The following ARID1B variants were observed in gnomAD, a reference collection of about 807,000 sequenced individuals.
The protein encoded by ARID1B is AT-rich interactive domain-containing protein 1B.
Under a neutral mutation model 212.3 loss-of-function variants are expected in ARID1B, and 30 were observed. The observed-to-expected ratio is 0.14, with a 90% CI of 0.11 to 0.19. The LOEUF (loss-of-function observed/expected upper bound fraction) is 0.19, where lower values mean the gene tolerates loss of function less well. ARID1B is among the 10% of genes least tolerant of loss of function. ARID1B has a pLI of 1.00. For missense variants in ARID1B, 2,891 were observed against 3,204.0 expected (o/e 0.90, Z 2.36); for synonymous variants, 1,402 against 1,301.7 (o/e 1.08, Z -1.66).
intron 2 of ARID1B, among the ~76,000 whole-genome samples, chr6:156,891,599 G>A (rs961096118): frequency 6.6e-6 from 1 of 152,130 alleles, no homozygotes; most frequent in Non-Finnish European, 1.5e-5. Flanking sequence ...ATATGGTTTT[G>A]TAGCCTGCTA....
At chr6:157,205,891 G>C (rs1794406657) in intron 19 of ARID1B, 1 of 414,548 alleles carries the variant, frequency 2.4e-6, no homozygotes, top group Non-Finnish European at 4.4e-6. Flanking sequence ...TTAGAGATAT[G>C]AGAATAAAAA....
chr6:157,100,144 A>G (rs1020270135), intron 5 of ARID1B, among the ~76,000 whole-genome samples: 1 of 152,220 alleles, frequency 6.6e-6, no homozygotes, highest in Admixed American at 6.5e-5. Context: ...GTTGAAAGGT[A>G]GGGAAGAACA....
intron 2 of ARID1B, among the ~76,000 whole-genome samples, chr6:156,882,763 G>A (rs531266675): frequency 2.0e-5 from 3 of 152,278 alleles, no homozygotes; most frequent in African/African-American, 4.8e-5. Flanking sequence ...TTTGTATAAC[G>A]TCTTGCTATT....
intron 2 of ARID1B, among the ~76,000 whole-genome samples, chr6:156,886,786 G>A (rs1271382744): frequency 2.6e-5 from 4 of 152,206 alleles, no homozygotes; most frequent in Non-Finnish European, 5.9e-5. Context: ...TTCCAAGGAG[G>A]AAGGGAATGG....
intron 11 of ARID1B, among the ~76,000 whole-genome samples, chr6:157,176,656 G>A (rs930606103): frequency 2.0e-5 from 3 of 152,194 alleles, no homozygotes; most frequent in Non-Finnish European, 4.4e-5. Flanking sequence ...GACCAGCCTG[G>A]CCAACATGGT....
chr6:156,979,142 T>TAACA (rs1777451109), intron 4 of ARID1B, among the ~76,000 whole-genome samples: 1 of 152,252 alleles, frequency 6.6e-6, no homozygotes, highest in Non-Finnish European at 1.5e-5. Flanking sequence ...CTGTTATTAC[T>TAACA]GTTTCTATAC....
rs1321302086 is a variant in ARID1B, at chr6:156,778,267, TCCAGCAGCAGCAGCAGCAGCAGCAACA to T, written c.588_614del (p.Phe196_Gln205delinsLeu). ...GCACTACAGCAGCAGCTAAACCAGT[TCCAGCAGCAGCAGCAGCAGCAGCAACA>T]GCAGCAGCAGCAGCAGCAGCAACAG... On this transcript the variant is annotated inframe_deletion, in exon 1 of 20. Coordinates refer to ENST00000636930, the MANE Select transcript of ARID1B (RefSeq NM_001374828.1). 8 of 1,534,052 alleles carry T rather than the reference TCCAGCAGCAGCAGCAGCAGCAGCAACA, an allele frequency of 5.2e-6. No homozygotes were observed. Among genetic ancestry groups the T allele is most frequent in the Non-Finnish European group, 7.0e-6 (8 of 1,142,326 alleles).
upstream of ARID1B, chr6:156,776,415 A>G (rs986053838): frequency 6.6e-6 from 1 of 152,216 alleles, no homozygotes; most frequent in Non-Finnish European, 1.5e-5. Context: ...TATAATGTCT[A>G]TAATATTTTA....
chr6:156,918,845 G>T (rs760456878), intron 3 of ARID1B, among the ~76,000 whole-genome samples: 21 of 152,316 alleles, frequency 1.4e-4, no homozygotes, highest in Admixed American at 2.6e-4. Context: ...CTGATGCCAG[G>T]AGGATGGGAA....
At position 157,004,890 on chromosome 6, in the gene ARID1B, C is replaced by CTTTTTTGTTTTTTTTTTT. The variant is rs1779118895; in HGVS notation, c.2247+69320_2247+69321insGTTTTTTTTTTTTTTTTT. On this transcript the variant is annotated intron_variant, in intron 4 of 19. Coordinates refer to ENST00000636930, the MANE Select transcript of ARID1B (RefSeq NM_001374828.1). ...GCATTTCTTTTTTCTTTTTCTTCTT[C>CTTTTTTGTTTTTTTTTTT]TTTTTTCTTTTTTTTTTTTTTTTTT... is the stretch of plus-strand genomic sequence containing the variant. Among the ~76,000 whole-genome samples, 13 of 35,686 alleles carry CTTTTTTGTTTTTTTTTTT rather than the reference C, an allele frequency of 3.6e-4. 4 individuals carry two copies. Among genetic ancestry groups the CTTTTTTGTTTTTTTTTTT allele is most frequent in the Non-Finnish European group, 5.1e-4 (7 of 13,822 alleles). The allele number at this position is 35,686 out of a possible 152,430, so 23.4% of individuals were successfully genotyped here. A position where few individuals can be genotyped will look rare whatever the true frequency, so the allele number is the denominator to read the frequency against.
chr6:157,180,847 A>G, intron 11 of ARID1B, 122 bp from the exon 12 acceptor site: 1 of 736,958 alleles, frequency 1.4e-6, no homozygotes, highest in Non-Finnish European at 2.2e-6. Flanking sequence ...TTGTTGTGTG[A>G]TAGCAGTAGT....
chr6:156,831,874 A>G (rs990640503), intron 2 of ARID1B, among the ~76,000 whole-genome samples: 6 of 152,362 alleles, frequency 3.9e-5, no homozygotes, highest in Middle Eastern at 3.4e-3. Context: ...GGAAAATAGT[A>G]TATCTGGTAA....
chr6:156,911,724 C>T (rs968955544), intron 3 of ARID1B, among the ~76,000 whole-genome samples: 1 of 152,140 alleles, frequency 6.6e-6, no homozygotes, highest in African/African-American at 2.4e-5. Context: ...GGCACTTCTC[C>T]ATTAGAAGGC....
rs149518409 is a variant in ARID1B, at chr6:157,206,348, A to C, written c.5576A>C (p.Glu1859Ala). The C allele has an allele frequency of 1.2e-3, 1,877 of 1,614,188 alleles. 23 individuals are homozygous for C. In the African/African-American group the frequency reaches 0.023, roughly 20 times the overall value. The change falls in exon 20 of 20, where the codon GAA (glutamate) becomes GCA (alanine). Residue 1859 changes from glutamate (E) to alanine (A), a missense_variant. Transcript: ENST00000636930. The surrounding 1 kb of genome is among the most constrained non-coding windows in gnomAD (Gnocchi z 6.8). ...TCTGGGAAAGAGGAGGAAGATGCTG[A>C]ATGTATTGATGACGACGAGGAAGAC... ...DDSGKEEEDA[E>A]CIDDDEEDEE... is the part of the protein sequence containing the mutation.
rs147708251 is a variant in ARID1B, at chr6:157,182,467, G to T, written c.3714+1289G>T. On this transcript the variant is annotated intron_variant, in intron 12 of 19. Transcript: ENST00000636930. The stretch of plus-strand genomic sequence containing the variant: ...CGACATCAATGAAATGAAACCTTCT[G>T]TGCCCAAGGTAATCTAACAGGCAGT... Among the ~76,000 whole-genome samples the T allele has an allele frequency of 1.5e-3, 222 of 152,308 alleles. 1 individual carries two copies. The highest frequency in any genetic ancestry group is 5.2e-3 in the African/African-American group (217 of 41,548).
intron 2 of ARID1B, among the ~76,000 whole-genome samples, chr6:156,845,110 A>G (rs188427510): frequency 8.4e-5 from 4 of 47,530 alleles, no homozygotes; most frequent in African/African-American, 3.6e-4. Context: ...CCGGGGATGC[A>G]TTCAGGTGGC....
At chr6:156,939,879 TCAGTAATTATATTA>T in intron 4 of ARID1B, 1 of 152,216 alleles carries the variant, frequency 6.6e-6, no homozygotes, top group Non-Finnish European at 1.5e-5. Context: ...AATCATAAGT[TCAGTAATTATATTA>T]CAGATGGGTA....
At chr6:157,156,122 G>A (rs1437556397) in intron 8 of ARID1B, among the ~76,000 whole-genome samples, 1 of 152,166 alleles carries the variant, frequency 6.6e-6, no homozygotes, top group Non-Finnish European at 1.5e-5. Context: ...AAAAAACTTC[G>A]AAATGTGTCA....
chr6:157,110,225 A>AT (rs1367633167), intron 5 of ARID1B, among the ~76,000 whole-genome samples: 4 of 152,220 alleles, frequency 2.6e-5, no homozygotes, highest in African/African-American at 9.6e-5. Flanking sequence ...ATTGATTCAT[A>AT]TATGAGTTTA....
Sources: allele counts gnomAD v4.1 joint callset (sites outside exome capture counted in the v4.1 genomes callset), GRCh38; gene constraint gnomAD v4.1.1; non-coding constraint Gnocchi (gnomAD v3.1); transcripts MANE v1.5; gene names NCBI Gene and HGNC (gene_info 2026-07-23, HGNC 2026-07-21).